The following PIK3CA variants were observed in gnomAD, a reference collection of about 807,000 sequenced individuals.
PIK3CA encodes the protein phosphatidylinositol-4,5-bisphosphate 3-kinase catalytic subunit alpha, also known as phosphatidylinositol 4,5-bisphosphate 3-kinase catalytic subunit alpha isoform.
A neutral mutation model predicts 138.2 loss-of-function variants in PIK3CA; 27 were observed. The observed-to-expected ratio is 0.20, with a 90% confidence interval of 0.14 to 0.27. PIK3CA has a LOEUF of 0.27. PIK3CA is among the 10% of genes least tolerant of loss of function. PIK3CA has a pLI of 1.00. For synonymous variants in PIK3CA, 358 were observed against 413.2 expected (o/e 0.87, Z 1.62); for missense variants, 544 against 1,277.4 (o/e 0.43, Z 8.75).
intron 1 of PIK3CA, among the ~76,000 whole-genome samples, chr3:179,159,058 TA>T (rs1019761321): frequency 1.3e-5 from 2 of 152,026 alleles, no homozygotes; most frequent in African/African-American, 4.8e-5. Context: ...CTACACACTT[TA>T]AAAAACTACA....
intron 5 of PIK3CA, among the ~76,000 whole-genome samples, chr3:179,204,169 C>T (rs1724495858): frequency 1.3e-5 from 2 of 152,180 alleles, no homozygotes; most frequent in Admixed American, 1.3e-4. Flanking sequence ...GGTACTGCTT[C>T]ACCAGCTAAG....
intron 1 of PIK3CA, among the ~76,000 whole-genome samples, chr3:179,170,627 G>A (rs374991133): frequency 2.6e-5 from 4 of 152,202 alleles, no homozygotes; most frequent in South Asian, 4.1e-4. Context: ...TCAGAAAACA[G>A]GCATCAAAAT....
intron 1 of PIK3CA, among the ~76,000 whole-genome samples, chr3:179,195,069 T>G (rs1169090438): frequency 6.7e-6 from 1 of 149,126 alleles, no homozygotes; most frequent in Non-Finnish European, 1.5e-5. Flanking sequence ...TCCTGACACC[T>G]ACGCTGTAGA....
At chr3:179,178,014 A>G (rs773088639) in intron 1 of PIK3CA, among the ~76,000 whole-genome samples, 2 of 150,106 alleles carry the variant, frequency 1.3e-5, no homozygotes, top group Non-Finnish European at 3.0e-5. Context: ...CCAAGGTGGG[A>G]GGATCATTTA....
chr3:179,203,708 C>T lies in PIK3CA; in HGVS notation c.978C>T (p.Ser326=), dbSNP rs771123875. ...TGAATGGAGAAACATCTACAAAATC[C>T]CTTTGGGTTATAAATAGTGCACTCA... The part of the protein sequence containing the change: ...PYMNGETSTK[S]LWVINSALRI... The change falls in exon 5 of 21, where the codon TCC becomes TCT. Residue 326 remains serine (S), a synonymous_variant. Transcript: ENST00000263967. 4 of 1,613,234 alleles carry T rather than the reference C, an allele frequency of 2.5e-6. No homozygotes were observed. Among genetic ancestry groups the T allele is most frequent in the Non-Finnish European group, 1.7e-6 (2 of 1,179,634 alleles).
chr3:179,230,169 A>C lies in PIK3CA; in HGVS notation c.2784+48A>C, dbSNP rs1725178728. The C allele has an allele frequency of 6.4e-7, 1 of 1,571,318 alleles. No individual in the cohort carries two copies. The highest frequency in any genetic ancestry group is 8.8e-7 in the Non-Finnish European group (1 of 1,142,274). ...ATGTTTTGGTGTTCTTAATTTATTC[A>C]AGACATTTTGTATCTGCATATATCA... On this transcript the variant is annotated intron_variant, in intron 19 of 20. Coordinates refer to ENST00000263967, the MANE Select transcript of PIK3CA (RefSeq NM_006218.4). The surrounding 1 kb of genome is among the most constrained non-coding windows in gnomAD (Gnocchi z 5.4).
rs759918867 is a variant in PIK3CA at position 179,224,827 on chromosome 3, G to A, written c.2416+6G>A. The A allele has an allele frequency of 1.3e-5, 21 of 1,598,916 alleles. No individual in the cohort carries two copies. Among genetic ancestry groups the A allele is most frequent in the Non-Finnish European group, 1.8e-5 (21 of 1,167,432 alleles). On this transcript the variant is annotated splice_donor_region_variant and intron_variant, in intron 16 of 20. Transcript: ENST00000263967. ...CATCTTTAAAAATGGGGATGGTAAG[G>A]AAGAGTATTAATGAGCTTATGATGC...
Position 179,199,790 on chromosome 3 carries a change from G to A in PIK3CA, c.453G>A (p.Val151=), listed in dbSNP as rs946033508. The A allele has an allele frequency of 6.2e-7, 1 of 1,612,250 alleles. No individual in the cohort carries two copies. The highest frequency in any genetic ancestry group is 8.5e-7 in the Non-Finnish European group (1 of 1,178,446). The change falls in exon 3 of 21, where the codon GTG becomes GTA. Residue 151 remains valine, a synonymous_variant. Transcript: ENST00000263967. ...RNILNVCKEA[V]DLRDLNSPHS... is the part of the protein sequence containing the mutation. The stretch of plus-strand genomic sequence containing the variant: ...TTCTGAACGTTTGTAAAGAAGCTGT[G>A]GATCTTAGGGACCTCAATTCACCTC...
chr3:179,174,422 A>G (rs1342513846), intron 1 of PIK3CA, among the ~76,000 whole-genome samples: 2 of 152,180 alleles, frequency 1.3e-5, no homozygotes, highest in Non-Finnish European at 2.9e-5. Flanking sequence ...GTGAGCCGAG[A>G]TTGTGCCACT....
At position 179,225,575 on chromosome 3, in the gene PIK3CA, T is replaced by G. The variant is rs548516171; in HGVS notation, c.2417-387T>G. Among the ~76,000 whole-genome samples, 65 of 151,852 alleles carry G rather than the reference T, an allele frequency of 4.3e-4. 2 individuals carry two copies. Among genetic ancestry groups the G allele is most frequent in the Admixed American group, 1.3e-4 (2 of 15,190 alleles). On this transcript the variant is annotated intron_variant, in intron 16 of 20. Transcript: ENST00000263967. ...AGATGCATGCTCACTTATCCTACATTGTTATTCAAATATGTTTATGCAAAG... is the reference window on the plus strand; with the variant it reads ...AGATGCATGCTCACTTATCCTACATGGTTATTCAAATATGTTTATGCAAAG...
chr3:179,158,081 A>G (rs953845550), intron 1 of PIK3CA, among the ~76,000 whole-genome samples: 2 of 152,174 alleles, frequency 1.3e-5, no homozygotes, highest in Non-Finnish European at 2.9e-5. Flanking sequence ...TATGAAGTGA[A>G]TTGAATTCTG....
rs1725325876 is a variant in PIK3CA at position 179,236,008 on chromosome 3, T to G, written c.*1644T>G. The G allele has an allele frequency of 4.8e-6, 1 of 208,196 alleles. No individual in the cohort carries two copies. The allele number at this position is 208,196 out of a possible 1,614,324, so 12.9% of individuals were successfully genotyped here. On this transcript the variant is annotated 3_prime_UTR_variant, in exon 21 of 21. Coordinates refer to ENST00000263967, the MANE Select transcript of PIK3CA (RefSeq NM_006218.4). ...AAAAAAGTGCAATAATTATTGACAG[T>G]TTTTTAGATTAGGCATATTATTGGA... is the stretch of plus-strand genomic sequence containing the variant.
At chr3:179,224,005 GAGAA>G in intron 14 of PIK3CA, 72 bp from the exon 15 acceptor site, 4 of 795,162 alleles carry the variant, frequency 5.0e-6, no homozygotes, top group Non-Finnish European at 8.8e-6. Flanking sequence ...GTTCTCATGT[GAGAA>G]AGAGATTAGC....
At chr3:179,161,796 T>G (rs1458931361) in intron 1 of PIK3CA, among the ~76,000 whole-genome samples, 2 of 152,190 alleles carry the variant, frequency 1.3e-5, no homozygotes, top group Non-Finnish European at 2.9e-5. Flanking sequence ...TCCATACTGT[T>G]CTAATATGAC....
At chr3:179,171,048 A>G (rs1723546665) in intron 1 of PIK3CA, among the ~76,000 whole-genome samples, 1 of 152,174 alleles carries the variant, frequency 6.6e-6, no homozygotes. Flanking sequence ...GGCCCACAAA[A>G]ATGAAATGTT....
intron 1 of PIK3CA, among the ~76,000 whole-genome samples, chr3:179,165,966 A>G (rs1460099337): frequency 6.6e-6 from 1 of 152,152 alleles, no homozygotes; most frequent in Non-Finnish European, 1.5e-5. Context: ...GTATTTCCAT[A>G]GCCTCTATTA....
chr3:179,186,274 T>G (rs1045592734), intron 1 of PIK3CA, among the ~76,000 whole-genome samples: 2 of 152,246 alleles, frequency 1.3e-5, no homozygotes, highest in Non-Finnish European at 2.9e-5. Flanking sequence ...TCTTAAACTC[T>G]TAATGAACTC....
At chr3:179,154,954 A>AT (rs1463835733) in intron 1 of PIK3CA, among the ~76,000 whole-genome samples, 2 of 152,110 alleles carry the variant, frequency 1.3e-5, no homozygotes, top group Admixed American at 6.5e-5. Flanking sequence ...TAAATTAGGG[A>AT]TTTTTAAAAA....
chr3:179,184,670 A>C (rs777151606), intron 1 of PIK3CA, among the ~76,000 whole-genome samples: 4 of 152,168 alleles, frequency 2.6e-5, no homozygotes, highest in Admixed American at 6.5e-5. Context: ...AGCTTTATTT[A>C]TTGGACCAGC....
Sources: gnomAD v4.1 joint callset for allele counts (sites outside exome capture counted in the v4.1 genomes callset) on GRCh38, gnomAD v4.1.1 for gene constraint, Gnocchi (gnomAD v3.1) non-coding constraint, MANE v1.5 for transcripts, NCBI Gene and HGNC (gene_info 2026-07-23, HGNC 2026-07-21) for gene names.